Variants in THSD7B observed in about 807,000 individuals in gnomAD.
The protein encoded by THSD7B is thrombospondin type 1 domain containing 7B.
A neutral mutation model predicts 213.6 loss-of-function variants in THSD7B; 138 were observed. That is an observed-to-expected ratio of 0.65 (90% CI 0.56 to 0.74). THSD7B has a LOEUF of 0.74. Ranked by LOEUF, THSD7B falls within the 30% of genes least tolerant of loss-of-function variation. The pLI, the probability that THSD7B is intolerant of heterozygous loss-of-function variation, is 0.00. For missense variants in THSD7B, 1,931 were observed against 1,991.5 expected, an observed-to-expected ratio of 0.97 and a Z score of 0.58; for synonymous variants, 742 against 687.0, an observed-to-expected ratio of 1.08 and a Z score of -1.25.
At chr2:136,805,170 C>A (rs1359420118) in intron 1 of THSD7B, among the ~76,000 whole-genome samples, 3 of 152,138 alleles carry the variant, frequency 2.0e-5, no homozygotes, top group Non-Finnish European at 2.9e-5. Context: ...CATCTTCAGG[C>A]TCCTTTACCT....
intron 1 of THSD7B, among the ~76,000 whole-genome samples, chr2:136,831,872 G>A (rs755373006): frequency 1.3e-4 from 20 of 152,092 alleles, no homozygotes; most frequent in Non-Finnish European, 2.1e-4. Context: ...TAAGCCCAGC[G>A]CAGTCCTTCT....
At chr2:136,843,450 A>G (rs1276240368) in intron 1 of THSD7B, among the ~76,000 whole-genome samples, 1 of 152,184 alleles carries the variant, frequency 6.6e-6, no homozygotes, top group Non-Finnish European at 1.5e-5. Flanking sequence ...ATGCATAGGG[A>G]AGCCATTAAA....
At chr2:137,452,516 A>G (rs990685242) in intron 15 of THSD7B, among the ~76,000 whole-genome samples, 1 of 152,156 alleles carries the variant, frequency 6.6e-6, no homozygotes, top group East Asian at 1.9e-4. Context: ...ATTTAAAATG[A>G]AAAGAACTAC....
intron 12 of THSD7B, among the ~76,000 whole-genome samples, chr2:137,360,452 T>A (rs750565056): frequency 6.6e-6 from 1 of 152,174 alleles, no homozygotes; most frequent in African/African-American, 2.4e-5. Flanking sequence ...GGGATTTCCC[T>A]TTCCTAGCCA....
chr2:136,865,718 G>A (rs903339931), intron 1 of THSD7B, among the ~76,000 whole-genome samples: 1 of 152,222 alleles, frequency 6.6e-6, no homozygotes, highest in South Asian at 2.1e-4. Flanking sequence ...AGGGAAGATA[G>A]TACCATCAGT....
intron 17 of THSD7B, among the ~76,000 whole-genome samples, chr2:137,612,260 A>C (rs1682303307): frequency 6.6e-6 from 1 of 152,200 alleles, no homozygotes; most frequent in Non-Finnish European, 1.5e-5. Flanking sequence ...CCCAGAAAAC[A>C]GTCCACAGTG....
At chr2:137,401,917 A>G (rs1686375520) in intron 12 of THSD7B, among the ~76,000 whole-genome samples, 1 of 152,222 alleles carries the variant, frequency 6.6e-6, no homozygotes. Context: ...ACTGATGCTT[A>G]CAAATCTAGC....
chr2:137,014,411 G>A (rs929920918), intron 2 of THSD7B, among the ~76,000 whole-genome samples: 13 of 152,142 alleles, frequency 8.5e-5, no homozygotes, highest in African/African-American at 3.1e-4. Context: ...TAGGTGCTGC[G>A]GAGAGTGGTC....
intron 1 of THSD7B, among the ~76,000 whole-genome samples, chr2:136,878,931 T>C (rs1377933003): frequency 6.6e-6 from 1 of 152,218 alleles, no homozygotes; most frequent in East Asian, 1.9e-4. Flanking sequence ...TTAGATCCCA[T>C]TTGTCAATTT....
At chr2:137,309,100 T>C (rs1683826314) in intron 12 of THSD7B, among the ~76,000 whole-genome samples, 1 of 152,160 alleles carries the variant, frequency 6.6e-6, no homozygotes, top group African/African-American at 2.4e-5. Context: ...CATATCATTT[T>C]ATTTTTCAAC....
At chr2:137,567,270 G>A (rs1005855087) in intron 16 of THSD7B, among the ~76,000 whole-genome samples, 1 of 151,882 alleles carries the variant, frequency 6.6e-6, no homozygotes, top group Non-Finnish European at 1.5e-5. Flanking sequence ...CCAAGTTGAA[G>A]TAATTTTCAT....
At chr2:136,847,904 C>T (rs1434005686) in intron 1 of THSD7B, among the ~76,000 whole-genome samples, 2 of 152,148 alleles carry the variant, frequency 1.3e-5, no homozygotes, top group Admixed American at 6.6e-5. Flanking sequence ...CCAGCTTAGC[C>T]TTATTCCTCC....
intron 2 of THSD7B, among the ~76,000 whole-genome samples, chr2:136,985,863 C>G: frequency 6.6e-6 from 1 of 152,280 alleles, no homozygotes; most frequent in Non-Finnish European, 1.5e-5. Context: ...CAGGGCAGAA[C>G]TGCCCAAGGC....
chr2:137,500,231 AG>A (rs1316307761), intron 15 of THSD7B, among the ~76,000 whole-genome samples: 8 of 152,218 alleles, frequency 5.3e-5, no homozygotes, highest in Non-Finnish European at 1.2e-4. Context: ...AACCTATCTG[AG>A]TGCATAAGAT....
intron 2 of THSD7B, among the ~76,000 whole-genome samples, chr2:136,912,680 G>A (rs957097578): frequency 6.6e-6 from 1 of 152,140 alleles, no homozygotes; most frequent in African/African-American, 2.4e-5. Flanking sequence ...TTGTGATAAT[G>A]AATAAGTCTC....
At chr2:137,377,830 T>A (rs948855186) in intron 12 of THSD7B, among the ~76,000 whole-genome samples, 6 of 152,196 alleles carry the variant, frequency 3.9e-5, no homozygotes, top group African/African-American at 1.4e-4. Context: ...TTTCACCATG[T>A]TGGCCAGGCT....
At chr2:137,279,998 T>C (rs753797203) in intron 12 of THSD7B, among the ~76,000 whole-genome samples, 72 of 152,302 alleles carry the variant, frequency 4.7e-4, no homozygotes, top group Non-Finnish European at 8.2e-4. Context: ...CACATTCTCA[T>C]GAAGGATTCT....
chr2:137,140,599 A>T (rs199767287), intron 5 of THSD7B, among the ~76,000 whole-genome samples: 7 of 151,912 alleles, frequency 4.6e-5, no homozygotes, highest in East Asian at 1.9e-4. Context: ...ATTATTCTTA[A>T]TTTTTTGCCA....
At chr2:137,648,606 T>C (rs1683080856) in intron 21 of THSD7B, among the ~76,000 whole-genome samples, 1 of 152,222 alleles carries the variant, frequency 6.6e-6, no homozygotes, top group Non-Finnish European at 1.5e-5. Flanking sequence ...TTATACCACG[T>C]GTTCTTTATC....
Sources: allele counts gnomAD v4.1 joint callset (sites outside exome capture counted in the v4.1 genomes callset), GRCh38; gene constraint gnomAD v4.1.1; transcripts MANE v1.5; gene names NCBI Gene and HGNC (gene_info 2026-07-23, HGNC 2026-07-21).